Variants in KIF1A observed in about 807,000 individuals in gnomAD.
KIF1A encodes the protein kinesin family member 1A, also known as kinesin-like protein KIF1A.
In KIF1A, 46 loss-of-function variants were observed where a neutral mutation model predicts 227.3. That is an observed-to-expected ratio of 0.20 (90% CI 0.16 to 0.26). The LOEUF (loss-of-function observed/expected upper bound fraction) is 0.26. Among genes scored for constraint, KIF1A ranks in the 10% least tolerant of loss-of-function variants. The pLI is 1.00. For synonymous variants in KIF1A, 1,022 were observed against 1,012.8 expected (o/e 1.01, Z -0.17); for missense variants, 1,683 against 2,485.9 (o/e 0.68, Z 6.87).
At chr2:240,730,095 C>A (rs1160595020) in intron 38 of KIF1A, among the ~76,000 whole-genome samples, 1 of 152,218 alleles carries the variant, frequency 6.6e-6, no homozygotes, top group Non-Finnish European at 1.5e-5. Flanking sequence ...GGCAACACTC[C>A]TTAGTCCCCC....
chr2:240,721,612 C>T (rs75207688), intron 44 of KIF1A, among the ~76,000 whole-genome samples, 195 bp downstream of exon 44: 4,067 of 152,298 alleles, frequency 0.027, 85 homozygotes, highest in Non-Finnish European at 0.044. Context: ...CACTCACATC[C>T]CCACCTCCCA....
At position 240,719,840 on chromosome 2, in the gene KIF1A, C is replaced by A. The variant is rs376658420; in HGVS notation, c.4955G>T (p.Arg1652Leu). The A allele has an allele frequency of 6.2e-7, 1 of 1,611,508 alleles. No individual in the cohort carries two copies. The highest frequency in any genetic ancestry group is 1.7e-5 in the Admixed American group (1 of 59,814). The change falls in exon 46 of 49, where the codon CGG (arginine) becomes CTG (leucine). Residue 1652 changes from arginine to leucine, a missense_variant. This residue lies in a region of KIF1A where 384 missense variants were observed against 410.1 expected (regional missense o/e 0.94). Coordinates refer to ENST00000498729, the MANE Select transcript of KIF1A (RefSeq NM_001244008.2). Reference sequence around the variant, plus strand: ...GGGCTCCTTGTCTGTCTCTGTTGCCCGGGCAGGGGAAGGGAGCTTCTTGGA... The same window carrying A: ...GGGCTCCTTGTCTGTCTCTGTTGCCAGGGCAGGGGAAGGGAGCTTCTTGGA... Reference protein sequence around the residue: ...ADSKKLPSPARATETDKEPQR... With the variant: ...ADSKKLPSPALATETDKEPQR...
At chr2:240,808,976 C>T (rs1201225988) in intron 1 of KIF1A, among the ~76,000 whole-genome samples, 4 of 151,876 alleles carry the variant, frequency 2.6e-5, no homozygotes, top group South Asian at 2.1e-4. Flanking sequence ...GTGATCTGCC[C>T]GCCTCAGCCT....
rs576738053 is a variant in KIF1A at position 240,778,913 on chromosome 2, TCCTC to T, written c.883-2991_883-2988del. Among the ~76,000 whole-genome samples, 80 of 151,718 alleles carry T rather than the reference TCCTC, an allele frequency of 5.3e-4. No homozygotes were observed. The highest frequency in any genetic ancestry group is 1.7e-3 in the African/African-American group (72 of 41,292). ...GGTGCACACACACTTTCCACACACT[TCCTC>T]AGGCCATTCGCCCGTGTGCACCCCG... On this transcript the variant is annotated intron_variant, in intron 10 of 48. Transcript: ENST00000498729. This position sits in a 1 kb window ranked among gnomAD's most constrained non-coding sequence, Gnocchi z 7.2.
In KIF1A at chr2:240,725,022, C is replaced by T. The variant is rs549721180; in HGVS notation, c.4256+249G>A. On this transcript the variant is annotated intron_variant, in intron 40 of 48. Transcript: ENST00000498729. The surrounding 1 kb of genome is among the most constrained non-coding windows in gnomAD (Gnocchi z 5.8). ...CCCTGGGCCTGCCCCTCCTCCCATCCGCTGCAGGCTGGCCCTCAAGTCCCT... is the reference window on the plus strand; with the variant it reads ...CCCTGGGCCTGCCCCTCCTCCCATCTGCTGCAGGCTGGCCCTCAAGTCCCT... Among the ~76,000 whole-genome samples, 15 of 151,470 alleles carry T rather than the reference C, an allele frequency of 9.9e-5. No homozygotes were observed. The highest frequency in any genetic ancestry group is 4.0e-4 in the East Asian group (2 of 5,062).
Position 240,782,608 on chromosome 2 carries a change from C to T in KIF1A, c.865-1G>A. 1 of 1,552,402 alleles carries T rather than the reference C, an allele frequency of 6.4e-7. No homozygotes were observed. The highest frequency in any genetic ancestry group is 1.2e-5 in the South Asian group (1 of 84,124). ...CGCTTACCTTGTTGGGTCCGGAGTC[C>T]TGAAAAGGAAAAGACAGAGAGAGGC... is the stretch of plus-strand genomic sequence containing the variant. On this transcript the variant is annotated splice_acceptor_variant, in intron 9 of 48. Transcript: ENST00000498729. LOFTEE classifies it high-confidence loss of function.
rs1052914485 is a variant in KIF1A at position 240,740,560 on chromosome 2, C to T, written c.3750-196G>A. Among the ~76,000 whole-genome samples the T allele has an allele frequency of 6.6e-6, 1 of 152,138 alleles. No individual in the cohort carries two copies. The highest frequency in any genetic ancestry group is 1.5e-5 in the Non-Finnish European group (1 of 68,004). On this transcript the variant is annotated intron_variant, in intron 35 of 48. Transcript: ENST00000498729. The surrounding 1 kb of genome is among the most constrained non-coding windows in gnomAD (Gnocchi z 6.1). ...CCAGGCCTCCTTGGCTATCACCTCC[C>T]AGCCCTGCCCACTGGACTGGCAGGG...
chr2:240,724,130 C>T, intron 40 of KIF1A, 94 bp from the exon 41 acceptor site: 3 of 1,072,182 alleles, frequency 2.8e-6, no homozygotes, highest in South Asian at 1.3e-5. Flanking sequence ...CTATCAAACG[C>T]ACAGTCAGCC....
intron 10 of KIF1A, chr2:240,782,254 G>C (rs1575622613): frequency 1.0e-6 from 1 of 959,736 alleles, no homozygotes; most frequent in East Asian, 1.2e-4. Context: ...GGGCTCCCCA[G>C]CCCTCTCCAT....
At position 240,718,133 on chromosome 2, in the gene KIF1A, G is replaced by A. The variant is rs753129112; in HGVS notation, c.5250C>T (p.Arg1750=). 21 of 1,609,532 alleles carry A rather than the reference G, an allele frequency of 1.3e-5. No homozygotes were observed. Among genetic ancestry groups the A allele is most frequent in the South Asian group, 4.4e-5 (4 of 90,254 alleles). ...PNTFAVCTEH[R]GILLQAASDK... is the part of the protein sequence containing the mutation. ...CGCTGGCGGCCTGCAGCAGGATGCC[G>A]CGGTGTTCCGTGCACACCGCGAATG... The change falls in exon 48 of 49, where the codon CGC becomes CGT. Residue 1750 remains arginine (R), a synonymous_variant. Transcript: ENST00000498729.
chr2:240,775,750 G>A lies in KIF1A; in HGVS notation c.958+101C>T. 1.3e-6 allele frequency: 1 copy of A among 795,100 alleles called. No individual in the cohort carries two copies. The highest frequency in any genetic ancestry group is 2.5e-5 in the East Asian group (1 of 39,934). 49.3% of individuals were successfully genotyped at this position (795,100 alleles called of 1,614,324 possible). Reference sequence around the variant, plus strand: ...CTCCCAGCCTCAGCCCAGAAAGGGTGAGAGGCCTGCTGGCGACTGGGCACC... The same window carrying A: ...CTCCCAGCCTCAGCCCAGAAAGGGTAAGAGGCCTGCTGGCGACTGGGCACC... On this transcript the variant is annotated intron_variant, in intron 11 of 48. Coordinates refer to ENST00000498729, the MANE Select transcript of KIF1A (RefSeq NM_001244008.2). The surrounding 1 kb of genome is among the most constrained non-coding windows in gnomAD (Gnocchi z 5.5).
intron 1 of KIF1A, among the ~76,000 whole-genome samples, chr2:240,802,625 C>T (rs1042975346): frequency 3.3e-5 from 5 of 152,084 alleles, no homozygotes; most frequent in Admixed American, 2.0e-4. Flanking sequence ...AAATATATAT[C>T]GTACACATTA....
At chr2:240,727,208 T>C (rs563437212) in intron 38 of KIF1A, among the ~76,000 whole-genome samples, 1 of 151,884 alleles carries the variant, frequency 6.6e-6, no homozygotes, top group South Asian at 2.1e-4. Context: ...GCTGTCACGC[T>C]GAGGCTGGAA....
rs774142624 is a variant in KIF1A, at chr2:240,723,461, G to A, written c.4416C>T (p.Leu1472=). The change falls in exon 42 of 49, where the codon CTC becomes CTT. Residue 1472 remains leucine (L), a synonymous_variant. Transcript: ENST00000498729. ...LAGWRPRSDS[L]ILDHQWELEK... is the part of the protein sequence containing the mutation. ...CCAGCTCCCACTGGTGGTCCAGAAT[G>A]AGACTGTCACTCCGGGGCCTCCAGC... is the stretch of plus-strand genomic sequence containing the variant. The A allele has an allele frequency of 5.2e-6, 8 of 1,552,084 alleles. No individual in the cohort carries two copies. In the African/African-American group the frequency reaches 9.6e-5, roughly 19 times the overall value.
rs1354058527 is a variant in KIF1A, at chr2:240,722,582, C to G, written c.4539G>C (p.Leu1513=). The change falls in exon 43 of 49, where the codon CTG becomes CTC. Residue 1513 remains leucine (L), a synonymous_variant. Coordinates refer to ENST00000498729, the MANE Select transcript of KIF1A (RefSeq NM_001244008.2). ...CAGAGTCCTCGCTGAAGGCCGGGGA[C>G]AGTGCCTCCGGGACAGGCCGCTGGG... ...ETAQRPVPEA[L]SPAFSEDSES... 6.4e-7 allele frequency: 1 copy of G among 1,562,152 alleles called. No individual in the cohort carries two copies. Among genetic ancestry groups the G allele is most frequent in the Non-Finnish European group, 8.7e-7 (1 of 1,153,604 alleles).
Position 240,739,977 on chromosome 2 carries a change from A to AC in KIF1A, c.3901+80dup, listed in dbSNP as rs1173627356. ...CAACAGACGCAGAGGTGTGGTTAGA[A>AC]CCCGGGTATCCAGCTCAGGGCCTGT... On this transcript the variant is annotated intron_variant, in intron 37 of 48. Transcript: ENST00000498729. The surrounding 1 kb of genome is among the most constrained non-coding windows in gnomAD (Gnocchi z 5.6). The AC allele has an allele frequency of 1.8e-6, 2 of 1,092,066 alleles. No individual in the cohort carries two copies. The highest frequency in any genetic ancestry group is 2.7e-6 in the Non-Finnish European group (2 of 732,052). 67.6% of individuals were successfully genotyped at this position (1,092,066 alleles called of 1,614,324 possible).
At chr2:240,787,934 C>T in intron 4 of KIF1A, 117 bp downstream of exon 4, 1 of 1,016,470 alleles carries the variant, frequency 9.8e-7, no homozygotes, top group Non-Finnish European at 1.4e-6. Context: ...TGGCCTTCCC[C>T]TCCTGACTCC....
At chr2:240,783,519 C>T (rs1172031929) in intron 8 of KIF1A, among the ~76,000 whole-genome samples, 2 of 152,192 alleles carry the variant, frequency 1.3e-5, no homozygotes, top group Non-Finnish European at 2.9e-5. Flanking sequence ...AAAGAGGACA[C>T]CGTCCCGCCA....
chr2:240,728,092 G>T (rs535332632), intron 38 of KIF1A, among the ~76,000 whole-genome samples: 1 of 152,338 alleles, frequency 6.6e-6, no homozygotes, highest in African/African-American at 2.4e-5. Flanking sequence ...GCTCCAAGGC[G>T]GCCGGGCCCC....
Sources: gnomAD v4.1 joint callset for allele counts (sites outside exome capture counted in the v4.1 genomes callset) on GRCh38, gnomAD v4.1.1 for gene constraint, gnomAD v4.1.1 regional missense constraint, Gnocchi (gnomAD v3.1) non-coding constraint, MANE v1.5 for transcripts, NCBI Gene and HGNC (gene_info 2026-07-23, HGNC 2026-07-21) for gene names.